MAGEB2: variants seen among roughly 807,000 people sequenced by gnomAD.
The protein encoded by MAGEB2 is melanoma-associated antigen B2.
For synonymous variants in MAGEB2, 107 were observed against 96.2 expected (o/e 1.11, Z -0.66); for missense variants, 365 against 243.2 (o/e 1.50, Z -3.33).
intron 1 of MAGEB2, among the ~76,000 whole-genome samples, chrX:30,216,159 G>C (rs749653183): frequency 8.9e-6 from 1 of 111,883 alleles, no homozygotes; most frequent in Non-Finnish European, 1.9e-5. Context: ...AGTCATGCTG[G>C]GCAGTTCCCA....
At chrX:30,216,614 C>T (rs988781675) in intron 1 of MAGEB2, among the ~76,000 whole-genome samples, 48 of 111,656 alleles carry the variant, frequency 4.3e-4, no homozygotes, top group African/African-American at 1.3e-3. Context: ...GGCGCGGTGG[C>T]TCACGCCTGT....
rs1434550281 is a variant in MAGEB2 at position 30,219,112 on chromosome X, T to TA, written c.533dup (p.Tyr178Ter). The TA allele has an allele frequency of 4.1e-6, 5 of 1,210,529 alleles. No homozygotes were observed. Among genetic ancestry groups the TA allele is most frequent in the African/African-American group, 1.7e-5 (1 of 57,739 alleles). The change falls in exon 2 of 2, where the codon TAC (tyrosine) becomes TAAC (stop). Residue 178 changes from tyrosine (Y) to a stop codon, truncating the protein, a stop_gained and frameshift_variant. Coordinates refer to ENST00000378988, the MANE Select transcript of MAGEB2 (RefSeq NM_002364.5). LOFTEE classifies it low-confidence loss of function (END_TRUNC). The part of the protein sequence containing the change: ...LNKVNPNGHT[Y>*]TFIDKVDLTD... Reference sequence around the variant, plus strand: ...TAAAGTCAACCCCAACGGCCACACTTACACCTTCATCGACAAGGTAGACCT... The same window carrying TA: ...TAAAGTCAACCCCAACGGCCACACTTAACACCTTCATCGACAAGGTAGACCT...
In MAGEB2 at chrX:30,219,369, G is replaced by A. The variant is rs1334653658; in HGVS notation, c.789G>A (p.Val263=). ...AAAAATATCTGGAGTACAAGCAGGT[G>A]CCCAGCAGTGATCCCCCACGCTTTC... ...VQEKYLEYKQ[V]PSSDPPRFQF... Residue 263 remains valine (V), a synonymous_variant, in exon 2 of 2, where the codon GTG becomes GTA. Transcript: ENST00000378988. 3 of 1,211,951 alleles carry A rather than the reference G, an allele frequency of 2.5e-6. No homozygotes were observed. Among genetic ancestry groups the A allele is most frequent in the Non-Finnish European group, 3.4e-6 (3 of 895,478 alleles).
At chrX:30,216,293 C>T (rs935542404) in intron 1 of MAGEB2, among the ~76,000 whole-genome samples, 1 of 111,672 alleles carries the variant, frequency 9.0e-6, no homozygotes, top group African/African-American at 3.3e-5. Flanking sequence ...CTGCTGCCAG[C>T]AATAGGAAGG....
chrX:30,216,765 A>T lies in MAGEB2; in HGVS notation c.-6+1110A>T, dbSNP rs184309520. On this transcript the variant is annotated intron_variant, in intron 1 of 1. Transcript: ENST00000378988. ...CGGGGAGCGGTGGCGGGCGCCTGTA[A>T]TCCCAGCTACTCGGGAGGCTGAGGC... 6.9e-3 allele frequency among the ~76,000 whole-genome samples: 754 copies of T among 108,875 alleles called. 4 individuals are homozygous for T. The highest frequency in any genetic ancestry group is 0.024 in the African/African-American group (720 of 29,736). The allele number at this position is 108,875 out of a possible 115,157, so 94.5% of individuals were successfully genotyped here.
chrX:30,219,007 A>C lies in MAGEB2; in HGVS notation c.427A>C (p.Lys143Gln). ...GGGAGAAATGCTGAAAATTGTTGGC[A>C]AAAGGTTCAGGGAGCACTTCCCTGA... Reference protein sequence around the residue: ...TKGEMLKIVGKRFREHFPEIL... With the variant: ...TKGEMLKIVGQRFREHFPEIL... The change falls in exon 2 of 2, where the codon AAA (lysine) becomes CAA (glutamine). Residue 143 changes from lysine to glutamine, a missense_variant. Physicochemically the swap from Lys to Gln is moderately conservative, Grantham distance 53. Transcript: ENST00000378988. The C allele has an allele frequency of 8.3e-7, 1 of 1,210,888 alleles. No homozygotes were observed. Among genetic ancestry groups the C allele is most frequent in the Non-Finnish European group, 1.1e-6 (1 of 895,007 alleles).
At chrX:30,217,355 A>T (rs1418739224) in intron 1 of MAGEB2, among the ~76,000 whole-genome samples, 1 of 111,526 alleles carries the variant, frequency 9.0e-6, no homozygotes, top group African/African-American at 3.3e-5. Context: ...CCAGAGCAGG[A>T]TCAAGAGGCC....
At chrX:30,217,251 G>A (rs745932358) in intron 1 of MAGEB2, among the ~76,000 whole-genome samples, 1 of 112,110 alleles carries the variant, frequency 8.9e-6, no homozygotes, top group Non-Finnish European at 1.9e-5. Context: ...TGTACAGGAA[G>A]CATGATGCTG....
At chrX:30,218,437 A>T in intron 1 of MAGEB2, 139 bp from the exon 2 acceptor site, 1 of 894,051 alleles carries the variant, frequency 1.1e-6, no homozygotes, top group Non-Finnish European at 1.5e-6. Context: ...CAGTGCCTTC[A>T]GGGAAACTTG....
chrX:30,216,418 C>CT (rs1382208028), intron 1 of MAGEB2, among the ~76,000 whole-genome samples: 5 of 111,349 alleles, frequency 4.5e-5, no homozygotes, highest in African/African-American at 9.8e-5. Flanking sequence ...GGCCCAGTCT[C>CT]TAACAGGAAG....
Position 30,216,676 on chromosome X carries a change from C to T in MAGEB2, c.-6+1021C>T, listed in dbSNP as rs754303672. 7.0e-4 allele frequency among the ~76,000 whole-genome samples: 77 copies of T among 109,665 alleles called. 1 individual carries two copies. Among genetic ancestry groups the T allele is most frequent in the African/African-American group, 2.6e-3 (77 of 30,088 alleles). ...CAGGCGGATCACGAGGTCAGGAGAT[C>T]GAGACCATCCTGGCTAACACGGTGA... On this transcript the variant is annotated intron_variant, in intron 1 of 1. Coordinates refer to ENST00000378988, the MANE Select transcript of MAGEB2 (RefSeq NM_002364.5).
chrX:30,218,816 C>T lies in MAGEB2; in HGVS notation c.236C>T (p.Thr79Ile). ...GCTGCGGCTGCGGGTGTTTCATCCACAAAATCTAAAAAAGGTGCCAAGAGC... is the reference window on the plus strand; with the variant it reads ...GCTGCGGCTGCGGGTGTTTCATCCATAAAATCTAAAAAAGGTGCCAAGAGC... ...AAAAAAGVSS[T>I]KSKKGAKSHQ... The change falls in exon 2 of 2, where the codon ACA (threonine) becomes ATA (isoleucine). Residue 79 changes from threonine (T) to isoleucine (I), a missense_variant. Transcript: ENST00000378988. 3 of 1,191,437 alleles carry T rather than the reference C, an allele frequency of 2.5e-6. No individual in the cohort carries two copies. The South Asian group carries it at 5.5e-5, about 22-fold the overall frequency.
Position 30,218,911 on chromosome X carries a change from C to T in MAGEB2, c.331C>T (p.Leu111=), listed in dbSNP as rs768249275. Reference sequence around the variant, plus strand: ...CACTAAGAGCCCAAGCGAAGATCCTCTAACCAGGAAGTCAGGGTCGTTGGT... The same window carrying T: ...CACTAAGAGCCCAAGCGAAGATCCTTTAACCAGGAAGTCAGGGTCGTTGGT... ...TSTKSPSEDP[L]TRKSGSLVQF... The change falls in exon 2 of 2, where the codon CTA becomes TTA. Residue 111 remains leucine, a synonymous_variant. Transcript: ENST00000378988. 7.0e-5 allele frequency: 85 copies of T among 1,209,059 alleles called. No individual in the cohort carries two copies. The highest frequency in any genetic ancestry group is 9.3e-5 in the Non-Finnish European group (83 of 894,479).
rs1329459098 is a variant in MAGEB2 at position 30,219,381 on chromosome X, TCC to T, written c.805_806del (p.Pro269ThrfsTer13). ...LEYKQVPSSDPPRFQFLWGPR... is the reference protein window; with the variant it reads ...LEYKQVPSSDXPRFQFLWGPR... ...AGTACAAGCAGGTGCCCAGCAGTGA[TCC>T]CCCACGCTTTCAATTCCTGTGGGGT... is the stretch of plus-strand genomic sequence containing the variant. On this transcript the variant is annotated frameshift_variant, in exon 2 of 2. Coordinates refer to ENST00000378988, the MANE Select transcript of MAGEB2 (RefSeq NM_002364.5). LOFTEE classifies it low-confidence loss of function (END_TRUNC). 20 of 1,209,946 alleles carry T rather than the reference TCC, an allele frequency of 1.7e-5. No individual in the cohort carries two copies. Among genetic ancestry groups the T allele is most frequent in the Non-Finnish European group, 2.2e-5 (20 of 895,098 alleles).
chrX:30,219,022 C>T lies in MAGEB2; in HGVS notation c.442C>T (p.His148Tyr). The change falls in exon 2 of 2, where the codon CAC becomes TAC. Residue 148 changes from histidine (H) to tyrosine (Y), a missense_variant. By Grantham distance (83) the His-to-Tyr change is moderately conservative. Coordinates refer to ENST00000378988, the MANE Select transcript of MAGEB2 (RefSeq NM_002364.5). ...LKIVGKRFRE[H>Y]FPEILKKASE... ...AATTGTTGGCAAAAGGTTCAGGGAG[C>T]ACTTCCCTGAGATCCTCAAGAAAGC... 8.3e-7 allele frequency: 1 copy of T among 1,210,566 alleles called. No individual in the cohort carries two copies. Among genetic ancestry groups the T allele is most frequent in the Non-Finnish European group, 1.1e-6 (1 of 894,819 alleles).
chrX:30,219,119 T>C lies in MAGEB2; in HGVS notation c.539T>C (p.Phe180Ser), dbSNP rs1924490817. Residue 180 changes from phenylalanine (F) to serine (S), a missense_variant, in exon 2 of 2, where the codon TTC becomes TCC. Transcript: ENST00000378988. The part of the protein sequence containing the change: ...KVNPNGHTYT[F>S]IDKVDLTDEE... ...AACCCCAACGGCCACACTTACACCTTCATCGACAAGGTAGACCTCACTGAT... is the reference window on the plus strand; with the variant it reads ...AACCCCAACGGCCACACTTACACCTCCATCGACAAGGTAGACCTCACTGAT... 1 of 1,210,634 alleles carries C rather than the reference T, an allele frequency of 8.3e-7. No individual in the cohort carries two copies. Among genetic ancestry groups the C allele is most frequent in the Non-Finnish European group, 1.1e-6 (1 of 894,922 alleles).
Position 30,219,025 on chromosome X carries a change from T to C in MAGEB2, c.445T>C (p.Phe149Leu), listed in dbSNP as rs1259990692. ...KIVGKRFREH[F>L]PEILKKASEG... ...TGTTGGCAAAAGGTTCAGGGAGCAC[T>C]TCCCTGAGATCCTCAAGAAAGCCTC... The change falls in exon 2 of 2, where the codon TTC (phenylalanine) becomes CTC (leucine). Residue 149 changes from phenylalanine (F) to leucine (L), a missense_variant. By Grantham distance (22) the Phe-to-Leu change is conservative (BLOSUM62 0). Coordinates refer to ENST00000378988, the MANE Select transcript of MAGEB2 (RefSeq NM_002364.5). The C allele has an allele frequency of 8.3e-6, 10 of 1,210,916 alleles. No homozygotes were observed. The highest frequency in any genetic ancestry group is 1.1e-5 in the Non-Finnish European group (10 of 894,980).
chrX:30,219,094 A>T lies in MAGEB2; in HGVS notation c.514A>T (p.Asn172Tyr), dbSNP rs1351020140. Residue 172 changes from asparagine to tyrosine, a missense_variant, in exon 2 of 2, where the codon AAC becomes TAC. Coordinates refer to ENST00000378988, the MANE Select transcript of MAGEB2 (RefSeq NM_002364.5). ...CTTTGGCCTTGAGCTGAATAAAGTC[A>T]ACCCCAACGGCCACACTTACACCTT... ...VVFGLELNKV[N>Y]PNGHTYTFID... 8.3e-7 allele frequency: 1 copy of T among 1,208,625 alleles called. No homozygotes were observed. The highest frequency in any genetic ancestry group is 1.1e-6 in the Non-Finnish European group (1 of 894,391).
chrX:30,218,588 G>T lies in MAGEB2; in HGVS notation c.8G>T (p.Arg3Leu), dbSNP rs746022879. Residue 3 changes from arginine to leucine, a missense_variant, in exon 2 of 2, where the codon CGT (arginine) becomes CTT (leucine). Transcript: ENST00000378988. Reference protein sequence around the residue: MPRGQKSKLRARE... With the variant: MPLGQKSKLRARE... ...TTGGTTTACCCAGCCATCATGCCTC[G>T]TGGTCAGAAGAGTAAGCTCCGTGCC... is the stretch of plus-strand genomic sequence containing the variant. 1.7e-6 allele frequency: 2 copies of T among 1,199,642 alleles called. No homozygotes were observed. The highest frequency in any genetic ancestry group is 2.2e-6 in the Non-Finnish European group (2 of 889,360).
Sources: allele counts gnomAD v4.1 joint callset (sites outside exome capture counted in the v4.1 genomes callset), GRCh38; gene constraint gnomAD v4.1.1; transcripts MANE v1.5; gene names NCBI Gene and HGNC (gene_info 2026-07-23, HGNC 2026-07-21).